Variants in DCAF17 observed in about 807,000 individuals in gnomAD.
The protein encoded by DCAF17 is DDB1 and CUL4 associated factor 17.
In DCAF17, 48 loss-of-function variants were observed where a neutral mutation model predicts 66.0. The ratio of observed to expected loss-of-function variants is 0.73; its 90% CI spans 0.58 to 0.92. The LOEUF (loss-of-function observed/expected upper bound fraction) is 0.92, where lower values mean the gene tolerates loss of function less well. Among genes scored for constraint, DCAF17 ranks in the 40% least tolerant of loss-of-function variants. The probability of loss-of-function intolerance (pLI) is 0.00; values close to 1 mark genes in which losing one functional copy is unlikely to be tolerated. For missense variants in DCAF17, 562 were observed against 622.8 expected (o/e 0.90, Z 1.04); for synonymous variants, 206 against 214.6 (o/e 0.96, Z 0.35).
intron 5 of DCAF17, among the ~76,000 whole-genome samples, chr2:171,450,896 T>C (rs930637151): frequency 6.6e-6 from 1 of 152,168 alleles, no homozygotes; most frequent in Non-Finnish European, 1.5e-5. Context: ...AAGTAACTTA[T>C]CCAGCATCAT....
chr2:171,476,303 A>G (rs1372874710), intron 10 of DCAF17, among the ~76,000 whole-genome samples: 1 of 152,188 alleles, frequency 6.6e-6, no homozygotes, highest in Non-Finnish European at 1.5e-5. Context: ...CCAAACCCCC[A>G]AATCTTTAAA....
chr2:171,473,091 G>T, intron 9 of DCAF17: 1 of 161,586 alleles, frequency 6.2e-6, no homozygotes. Context: ...AGATATTAGA[G>T]TTCAACATTT....
Position 171,434,373 on chromosome 2 carries a change from T to C in DCAF17, c.-205T>C, listed in dbSNP as rs1256267457. On this transcript the variant is annotated 5_prime_UTR_variant, in exon 1 of 14. Transcript: ENST00000375255. ...AAAAGGGAGTGCTTCTTCCCTTCTC[T>C]CCGCGCTCTGGCGGTGCAAGCGGCT... 2.3e-6 allele frequency: 2 copies of C among 870,362 alleles called. No individual in the cohort carries two copies. The highest frequency in any genetic ancestry group is 1.8e-6 in the Non-Finnish European group (1 of 546,012). The allele number at this position is 870,362 out of a possible 1,614,324, so 53.9% of individuals were successfully genotyped here. A position where few individuals can be genotyped will look rare whatever the true frequency, so the allele number is the denominator to read the frequency against.
At chr2:171,447,721 C>G (rs773523341) in intron 3 of DCAF17, among the ~76,000 whole-genome samples, 5 of 152,230 alleles carry the variant, frequency 3.3e-5, no homozygotes, top group Non-Finnish European at 5.9e-5. Context: ...AGGCTGATAT[C>G]GAACTCCTGG....
In DCAF17 at chr2:171,434,381, C is replaced by A; in HGVS notation, c.-197C>A. 2.2e-6 allele frequency: 2 copies of A among 916,070 alleles called. No homozygotes were observed. Among genetic ancestry groups the A allele is most frequent in the Admixed American group, 2.0e-5 (1 of 49,688 alleles). 56.7% of individuals were successfully genotyped at this position (916,070 alleles called of 1,614,324 possible). A position where few individuals can be genotyped will look rare whatever the true frequency, so the allele number is the denominator to read the frequency against. On this transcript the variant is annotated 5_prime_UTR_variant, in exon 1 of 14. The change creates a new upstream start codon in the 5' untranslated region. Transcript: ENST00000375255. Reference sequence around the variant, plus strand: ...GTGCTTCTTCCCTTCTCTCCGCGCTCTGGCGGTGCAAGCGGCTCTGCTTTC... The same window carrying A: ...GTGCTTCTTCCCTTCTCTCCGCGCTATGGCGGTGCAAGCGGCTCTGCTTTC...
Position 171,434,408 on chromosome 2 carries a change from C to T in DCAF17, c.-170C>T. On this transcript the variant is annotated 5_prime_UTR_variant, in exon 1 of 14. Transcript: ENST00000375255. ...GGCGGTGCAAGCGGCTCTGCTTTCC[C>T]TCGCCCCGCCGTCGGGTGCTCCCTG... 1 of 1,199,792 alleles carries T rather than the reference C, an allele frequency of 8.3e-7. No homozygotes were observed. Among genetic ancestry groups the T allele is most frequent in the South Asian group, 1.3e-5 (1 of 76,766 alleles). 74.3% of individuals were successfully genotyped at this position (1,199,792 alleles called of 1,614,324 possible). A position where few individuals can be genotyped will look rare whatever the true frequency, so the allele number is the denominator to read the frequency against.
rs1696665350 is a variant in DCAF17, at chr2:171,479,934, A to T, written c.1267-104A>T. ...TCCCATTCATTCATTCTTCTCCCATATTTTTGTAAGTAATAGAATACTTAA... is the reference window on the plus strand; with the variant it reads ...TCCCATTCATTCATTCTTCTCCCATTTTTTTGTAAGTAATAGAATACTTAA... On this transcript the variant is annotated intron_variant, in intron 12 of 13. Coordinates refer to ENST00000375255, the MANE Select transcript of DCAF17 (RefSeq NM_025000.4). The T allele has an allele frequency of 3.9e-6, 5 of 1,293,900 alleles. No homozygotes were observed. The South Asian group carries it at 5.2e-5, about 13-fold the overall frequency. The allele number at this position is 1,293,900 out of a possible 1,614,324, so 80.2% of individuals were successfully genotyped here. A position where few individuals can be genotyped will look rare whatever the true frequency, so the allele number is the denominator to read the frequency against.
chr2:171,435,026 A>G (rs112971058), intron 1 of DCAF17, 57 bp from the exon 2 acceptor site: 11 of 1,361,520 alleles, frequency 8.1e-6, no homozygotes, highest in Non-Finnish European at 1.0e-5. Flanking sequence ...GAAAATTTAA[A>G]ATCTAACTTA....
Position 171,447,454 on chromosome 2 carries a change from G to A in DCAF17, c.322-1227G>A, listed in dbSNP as rs190449572. The A allele has an allele frequency of 1.3e-4, 31 of 244,068 alleles. No homozygotes were observed. The East Asian group carries it at 1.8e-3, about 14-fold the overall frequency. The allele number at this position is 244,068 out of a possible 1,614,324, so 15.1% of individuals were successfully genotyped here. A position where few individuals can be genotyped will look rare whatever the true frequency, so the allele number is the denominator to read the frequency against. On this transcript the variant is annotated intron_variant, in intron 3 of 13. Transcript: ENST00000375255. Reference sequence around the variant, plus strand: ...CAGCTCACCGCAACCTCCACCTCCCGGGTTCAAGTGATTCTCCTGCCTCAG... The same window carrying A: ...CAGCTCACCGCAACCTCCACCTCCCAGGTTCAAGTGATTCTCCTGCCTCAG...
At chr2:171,467,235 C>T (rs1695955965) in intron 8 of DCAF17, among the ~76,000 whole-genome samples, 1 of 151,498 alleles carries the variant, frequency 6.6e-6, no homozygotes, top group South Asian at 2.1e-4. Context: ...AAAAAAATCA[C>T]AGATGAACCG....
chr2:171,450,048 T>C, intron 5 of DCAF17, 91 bp downstream of exon 5: 1 of 1,121,364 alleles, frequency 8.9e-7, no homozygotes, highest in South Asian at 1.3e-5. Context: ...TGATCTTTTA[T>C]TTCTGAAGCA....
At chr2:171,465,058 C>T (rs548040918) in intron 8 of DCAF17, among the ~76,000 whole-genome samples, 6 of 152,004 alleles carry the variant, frequency 3.9e-5, no homozygotes, top group Admixed American at 2.0e-4. Flanking sequence ...TTTAGCCAGG[C>T]GTGGTGGTGT....
At chr2:171,471,608 GTAA>G (rs1258268274) in intron 9 of DCAF17, among the ~76,000 whole-genome samples, 15 of 152,124 alleles carry the variant, frequency 9.9e-5, no homozygotes, top group African/African-American at 3.4e-4. Flanking sequence ...TATGTAAAAT[GTAA>G]TAATACCACT....
intron 9 of DCAF17, among the ~76,000 whole-genome samples, chr2:171,469,890 C>G (rs1009551884): frequency 6.6e-6 from 1 of 152,202 alleles, no homozygotes; most frequent in Non-Finnish European, 1.5e-5. Context: ...ACTGTAGCCT[C>G]AACCTCCTGG....
At position 171,483,174 on chromosome 2, in the gene DCAF17, C is replaced by T. The variant is rs1260150165; in HGVS notation, c.*2060C>T. ...AGAGACAATGAAGCATGCTTCCCAG[C>T]TCGCCAGAGTGTCACACAGCTGCTC... On this transcript the variant is annotated 3_prime_UTR_variant, in exon 14 of 14. Coordinates refer to ENST00000375255, the MANE Select transcript of DCAF17 (RefSeq NM_025000.4). 6 of 454,112 alleles carry T rather than the reference C, an allele frequency of 1.3e-5. No individual in the cohort carries two copies. Among genetic ancestry groups the T allele is most frequent in the South Asian group, 7.8e-5 (5 of 64,480 alleles). 28.1% of individuals were successfully genotyped at this position (454,112 alleles called of 1,614,324 possible). A position where few individuals can be genotyped will look rare whatever the true frequency, so the allele number is the denominator to read the frequency against.
intron 6 of DCAF17, among the ~76,000 whole-genome samples, chr2:171,453,501 G>A (rs1342916115): frequency 6.6e-6 from 1 of 151,692 alleles, no homozygotes; most frequent in African/African-American, 2.4e-5. Context: ...TTTCCAGAAG[G>A]AACATTCCAA....
Position 171,480,048 on chromosome 2 carries a change from T to C in DCAF17, c.1277T>C (p.Ile426Thr), listed in dbSNP as rs1397484824. Reference sequence around the variant, plus strand: ...CTATCTATCCCAAAGACTTTCAAAATTGTGGACTATGAAGATGAGTTAGAT... The same window carrying C: ...CTATCTATCCCAAAGACTTTCAAAACTGTGGACTATGAAGATGAGTTAGAT... The part of the protein sequence containing the change: ...DDDPEQETFK[I>T]VDYEDELDLL... The change falls in exon 13 of 14, where the codon ATT becomes ACT. Residue 426 changes from isoleucine to threonine, a missense_variant. Around this residue, in one of 3 missense-constraint regions of DCAF17, gnomAD observed 201 missense variants for 231.1 expected, o/e 0.87. Coordinates refer to ENST00000375255, the MANE Select transcript of DCAF17 (RefSeq NM_025000.4). 3.1e-6 allele frequency: 5 copies of C among 1,613,414 alleles called. No homozygotes were observed. In the African/African-American group the frequency reaches 6.7e-5, roughly 22 times the overall value.
At position 171,483,909 on chromosome 2, in the gene DCAF17, T is replaced by C. The variant is rs17221346; in HGVS notation, c.*2795T>C. On this transcript the variant is annotated 3_prime_UTR_variant, in exon 14 of 14. Transcript: ENST00000375255. ...AACTTGTGCCAAATTTCCTCCAAAG[T>C]TCTCAAAAGGCAAGGCATGTTATTT... 0.26 allele frequency: 115,848 copies of C among 453,712 alleles called. 15,473 individuals are homozygous for C. Among genetic ancestry groups the C allele is most frequent in the Admixed American group, 0.36 (15,119 of 42,538 alleles). 28.1% of individuals were successfully genotyped at this position (453,712 alleles called of 1,614,324 possible).
chr2:171,473,247 G>C (rs1188135397), intron 9 of DCAF17, among the ~76,000 whole-genome samples: 1 of 152,128 alleles, frequency 6.6e-6, no homozygotes, highest in African/African-American at 2.4e-5. Context: ...GCATGATTAT[G>C]GCAGAGTTAT....
Sources: gnomAD v4.1 joint callset for allele counts (sites outside exome capture counted in the v4.1 genomes callset) on GRCh38, gnomAD v4.1.1 for gene constraint, gnomAD v4.1.1 regional missense constraint, MANE v1.5 for transcripts, NCBI Gene and HGNC (gene_info 2026-07-23, HGNC 2026-07-21) for gene names.